The following PRLR variants were observed in gnomAD, a reference collection of about 807,000 sequenced individuals.
The protein encoded by PRLR is hPRL receptor.
Under a neutral mutation model 40.2 loss-of-function variants are expected in PRLR, and 13 were observed. That is an observed-to-expected ratio of 0.32 (90% CI 0.21 to 0.51). The LOEUF (loss-of-function observed/expected upper bound fraction) is 0.51, where lower values mean the gene tolerates loss of function less well. Ranked by LOEUF, PRLR falls within the 20% of genes least tolerant of loss-of-function variation. The pLI, the probability that PRLR is intolerant of heterozygous loss-of-function variation, is 0.97. For synonymous variants in PRLR, 269 were observed against 278.7 expected, an observed-to-expected ratio of 0.97 and a Z score of 0.35; for missense variants, 656 against 747.3, an observed-to-expected ratio of 0.88 and a Z score of 1.42.
intron 2 of PRLR, among the ~76,000 whole-genome samples, chr5:35,111,921 G>A (rs1028322234): frequency 6.6e-5 from 10 of 152,120 alleles, no homozygotes; most frequent in African/African-American, 1.7e-4. Flanking sequence ...TATTACTATC[G>A]TAATCGAGGA....
chr5:35,187,886 G>GT (rs1317938814), intron 1 of PRLR, among the ~76,000 whole-genome samples: 1 of 152,158 alleles, frequency 6.6e-6, no homozygotes, highest in Non-Finnish European at 1.5e-5. Flanking sequence ...GGACTTGGAG[G>GT]TAAGGGAGTC....
intron 1 of PRLR, among the ~76,000 whole-genome samples, chr5:35,160,181 T>G (rs989846547): frequency 1.3e-5 from 2 of 152,234 alleles, no homozygotes; most frequent in Non-Finnish European, 2.9e-5. Flanking sequence ...TTTGAATAGT[T>G]GAAAACAATT....
At chr5:35,141,154 T>C (rs1281232524) in intron 1 of PRLR, among the ~76,000 whole-genome samples, 2 of 151,660 alleles carry the variant, frequency 1.3e-5, no homozygotes, top group East Asian at 3.9e-4. Flanking sequence ...AGAACAAAGA[T>C]AGAAGGAGTC....
chr5:35,215,986 C>T (rs886907449), intron 1 of PRLR, among the ~76,000 whole-genome samples: 1 of 150,632 alleles, frequency 6.6e-6, no homozygotes, highest in Non-Finnish European at 1.5e-5. Flanking sequence ...TGCAGTGAGC[C>T]GAGATTGCGC....
intron 1 of PRLR, among the ~76,000 whole-genome samples, chr5:35,144,789 G>A (rs951218721): frequency 6.6e-6 from 1 of 152,178 alleles, no homozygotes; most frequent in African/African-American, 2.4e-5. Flanking sequence ...TTTTTTTAAA[G>A]ACATAGGGTC....
chr5:35,139,203 C>T (rs886118511), intron 1 of PRLR, among the ~76,000 whole-genome samples: 1 of 152,092 alleles, frequency 6.6e-6, no homozygotes, highest in Admixed American at 6.6e-5. Context: ...GGTGCGATGT[C>T]GGCTCTTTGC....
intron 1 of PRLR, among the ~76,000 whole-genome samples, chr5:35,134,972 T>C (rs927704742): frequency 2.6e-5 from 4 of 152,232 alleles, no homozygotes; most frequent in Non-Finnish European, 5.9e-5. Context: ...AAGCCATCTA[T>C]AACATTGGAC....
In PRLR at chr5:35,059,124, C is replaced by T. The variant is rs994904989; in HGVS notation, c.*5965G>A. On this transcript the variant is annotated 3_prime_UTR_variant, in exon 10 of 10. Transcript: ENST00000618457. Reference sequence around the variant, plus strand: ...CATTTTGAGGTTTATCCAAGTGAAGCGTAATTTGACCATAACTATTAAAGG... The same window carrying T: ...CATTTTGAGGTTTATCCAAGTGAAGTGTAATTTGACCATAACTATTAAAGG... The T allele has an allele frequency of 3.3e-5, 5 of 152,078 alleles. No individual in the cohort carries two copies. In the East Asian group the frequency reaches 9.6e-4, roughly 29 times the overall value. The allele number at this position is 152,078 out of a possible 1,614,324, so 9.4% of individuals were successfully genotyped here.
chr5:35,103,431 A>G (rs10447127), intron 2 of PRLR, among the ~76,000 whole-genome samples: 9,054 of 152,232 alleles, frequency 0.059, 636 homozygotes, highest in East Asian at 0.18. Context: ...ATGTCTGCAC[A>G]TTTGGCCACT....
At chr5:35,109,633 C>G (rs1051824667) in intron 2 of PRLR, among the ~76,000 whole-genome samples, 5 of 152,112 alleles carry the variant, frequency 3.3e-5, no homozygotes, top group Non-Finnish European at 7.4e-5. Context: ...TCATCACTGG[C>G]CATCAGAGAA....
rs1161865881 is a variant in PRLR, at chr5:35,062,631, T to G, written c.*2458A>C. On this transcript the variant is annotated 3_prime_UTR_variant, in exon 10 of 10. Transcript: ENST00000618457. Reference sequence around the variant, plus strand: ...AAGCAGATTACTTTTATGTTTAGGTTTTCAGACTATAAGAGTGACTGATAC... The same window carrying G: ...AAGCAGATTACTTTTATGTTTAGGTGTTCAGACTATAAGAGTGACTGATAC... 2 of 152,226 alleles carry G rather than the reference T, an allele frequency of 1.3e-5. No individual in the cohort carries two copies. Among genetic ancestry groups the G allele is most frequent in the East Asian group, 3.9e-4 (2 of 5,192 alleles). 9.4% of individuals were successfully genotyped at this position (152,226 alleles called of 1,614,324 possible).
intron 5 of PRLR, among the ~76,000 whole-genome samples, chr5:35,077,356 C>T (rs562571852): frequency 6.6e-6 from 1 of 152,156 alleles, no homozygotes; most frequent in African/African-American, 2.4e-5. Context: ...GGAAGATCTA[C>T]CAAGCAAATG....
chr5:35,140,656 G>A (rs1287344791), intron 1 of PRLR, among the ~76,000 whole-genome samples: 1 of 152,172 alleles, frequency 6.6e-6, no homozygotes, highest in Non-Finnish European at 1.5e-5. Flanking sequence ...TGTGGGGGGA[G>A]GAGAGATGAC....
chr5:35,125,077 T>G (rs888871019), intron 1 of PRLR, among the ~76,000 whole-genome samples: 1 of 152,322 alleles, frequency 6.6e-6, no homozygotes, highest in Non-Finnish European at 1.5e-5. Flanking sequence ...ATAACACTAC[T>G]GATAATTTAA....
chr5:35,218,904 G>A (rs577300009), intron 1 of PRLR, among the ~76,000 whole-genome samples: 13 of 152,244 alleles, frequency 8.5e-5, no homozygotes, highest in African/African-American at 3.1e-4. Flanking sequence ...AGTGGCAGGT[G>A]GGTGGGTACA....
chr5:35,112,841 A>G (rs947961845), intron 2 of PRLR, among the ~76,000 whole-genome samples: 3 of 151,850 alleles, frequency 2.0e-5, no homozygotes, highest in Admixed American at 1.3e-4. Context: ...TTTTTTCCCC[A>G]TTTTATTCAG....
intron 1 of PRLR, among the ~76,000 whole-genome samples, chr5:35,148,874 A>G (rs1774261094): frequency 6.6e-6 from 1 of 152,146 alleles, no homozygotes; most frequent in South Asian, 2.1e-4. Context: ...GAAACAAATT[A>G]CAGGTACCGT....
chr5:35,210,885 AT>A (rs1776152409), intron 1 of PRLR, among the ~76,000 whole-genome samples: 1 of 151,874 alleles, frequency 6.6e-6, no homozygotes, highest in African/African-American at 2.4e-5. Context: ...TAATTTTTTA[AT>A]TTTTTTGTAG....
chr5:35,052,268 G>A (rs1768520496), downstream of PRLR, among the ~76,000 whole-genome samples: 1 of 152,078 alleles, frequency 6.6e-6, no homozygotes, highest in African/African-American at 2.4e-5. Flanking sequence ...AAGAATGCAA[G>A]GGTACTTTAA....
Sources: allele counts gnomAD v4.1 joint callset (sites outside exome capture counted in the v4.1 genomes callset), GRCh38; gene constraint gnomAD v4.1.1; transcripts MANE v1.5; gene names NCBI Gene and HGNC (gene_info 2026-07-23, HGNC 2026-07-21).